The following NRROS variants were observed in gnomAD, a reference collection of about 807,000 sequenced individuals.
The protein encoded by NRROS is negative regulator of reactive oxygen species.
Under a neutral mutation model 12.0 loss-of-function variants are expected in NRROS, and 6 were observed. The ratio of observed to expected loss-of-function variants is 0.50; its 90% CI spans 0.27 to 0.98. NRROS has a LOEUF of 0.98. Among genes scored for constraint, NRROS ranks in the 50% least tolerant of loss-of-function variants. The probability of loss-of-function intolerance (pLI) is 0.11; values close to 1 mark genes in which losing one functional copy is unlikely to be tolerated. For missense variants in NRROS, 857 were observed against 888.2 expected (o/e 0.96, Z 0.45); for synonymous variants, 462 against 410.2 (o/e 1.13, Z -1.53).
intron 2 of NRROS, among the ~76,000 whole-genome samples, chr3:196,658,538 C>T (rs933326140): frequency 7.2e-5 from 11 of 152,332 alleles, no homozygotes; most frequent in South Asian, 6.2e-4. Context: ...ACCTCTCTCT[C>T]GGGATTTTCC....
At chr3:196,645,526 G>A (rs994692506) in intron 1 of NRROS, among the ~76,000 whole-genome samples, 2 of 152,188 alleles carry the variant, frequency 1.3e-5, no homozygotes, top group Non-Finnish European at 2.9e-5. Context: ...GGTATAGCCC[G>A]TGTTCCAAGG....
intron 1 of NRROS, among the ~76,000 whole-genome samples, chr3:196,651,148 TG>T (rs1251026124): frequency 6.6e-6 from 1 of 152,214 alleles, no homozygotes; most frequent in Non-Finnish European, 1.5e-5. Flanking sequence ...TGCAGTGCCA[TG>T]GCTCTGAGGA....
intron 1 of NRROS, among the ~76,000 whole-genome samples, chr3:196,644,249 GGGTGCTGTTCAGAATATCAGGCACCGCAT>G (rs1307196157): frequency 1.3e-5 from 2 of 152,042 alleles, no homozygotes; most frequent in East Asian, 3.9e-4. Context: ...ATACACTCAG[GGGTGCTGTTCAGAATATCAGGCACCGCAT>G]GGCACAGCTA....
intron 2 of NRROS, among the ~76,000 whole-genome samples, chr3:196,655,205 A>G (rs1737512212): frequency 6.7e-6 from 1 of 149,560 alleles, no homozygotes; most frequent in Admixed American, 6.7e-5. Flanking sequence ...CCTGCACTCC[A>G]ACCTAGGTGA....
Position 196,660,787 on chromosome 3 carries a change from GA to G in NRROS, c.1145del (p.Asp382AlafsTer2). On this transcript the variant is annotated frameshift_variant, in exon 3 of 3. Transcript: ENST00000328557. LOFTEE classifies it low-confidence loss of function (END_TRUNC). This position sits in a 1 kb window ranked among gnomAD's most constrained non-coding sequence, Gnocchi z 7.7. ...GCCCCCCGGAGCGCTCACCGAGCTGGACCTGAGCCACAACCAGCTGTCGGAG... is the reference window on the plus strand; with the variant it reads ...GCCCCCCGGAGCGCTCACCGAGCTGGCCTGAGCCACAACCAGCTGTCGGAG... ...HEPPGALTEL[D>X]LSHNQLSELH... is the part of the protein sequence containing the mutation. 1 of 1,613,712 alleles carries G rather than the reference GA, an allele frequency of 6.2e-7. No individual in the cohort carries two copies. The highest frequency in any genetic ancestry group is 8.5e-7 in the Non-Finnish European group (1 of 1,180,026).
intron 1 of NRROS, among the ~76,000 whole-genome samples, chr3:196,645,274 A>G (rs1400877563): frequency 6.6e-6 from 1 of 152,160 alleles, no homozygotes; most frequent in African/African-American, 2.4e-5. Context: ...CCTTTCCCAC[A>G]GAGGACAGAG....
chr3:196,649,344 G>A (rs993517203), intron 1 of NRROS, among the ~76,000 whole-genome samples: 2 of 152,146 alleles, frequency 1.3e-5, no homozygotes, highest in African/African-American at 2.4e-5. Flanking sequence ...TCCCTTTCTT[G>A]TGGAGGCCTC....
At chr3:196,647,438 C>G (rs1369328648) in intron 1 of NRROS, among the ~76,000 whole-genome samples, 1 of 152,212 alleles carries the variant, frequency 6.6e-6, no homozygotes, top group Non-Finnish European at 1.5e-5. Flanking sequence ...CATCACAATT[C>G]TAAATGTTTG....
chr3:196,658,405 A>G (rs948675584), intron 2 of NRROS, among the ~76,000 whole-genome samples: 4 of 152,174 alleles, frequency 2.6e-5, no homozygotes, highest in African/African-American at 7.2e-5. Context: ...TCAATGTTTA[A>G]TTATTGGAAG....
chr3:196,656,833 C>T (rs1028793632), intron 2 of NRROS, among the ~76,000 whole-genome samples: 9 of 152,060 alleles, frequency 5.9e-5, no homozygotes, highest in South Asian at 2.1e-4. Flanking sequence ...GTGGCTCTTC[C>T]GAGTTGAGGA....
chr3:196,652,805 C>T (rs1487195813), intron 1 of NRROS, among the ~76,000 whole-genome samples: 2 of 152,174 alleles, frequency 1.3e-5, no homozygotes, highest in African/African-American at 4.8e-5. Flanking sequence ...GCAGGGCTGG[C>T]TCTTCCAGAG....
rs6771675 is a variant in NRROS at position 196,651,649 on chromosome 3, C to A, written c.-13-2878C>A. On this transcript the variant is annotated intron_variant, in intron 1 of 2. Coordinates refer to ENST00000328557, the MANE Select transcript of NRROS (RefSeq NM_198565.3). ...AGGCGTGGTGGCGTGCACCTGTAAT[C>A]CCAGCTACTTGGGAGGCTGAGGCAG... Among the ~76,000 whole-genome samples, 617 of 152,270 alleles carry A rather than the reference C, an allele frequency of 4.1e-3. 8 individuals carry two copies. Among genetic ancestry groups the A allele is most frequent in the African/African-American group, 0.014 (580 of 41,544 alleles).
At chr3:196,655,999 C>G (rs1312886075) in intron 2 of NRROS, among the ~76,000 whole-genome samples, 1 of 152,102 alleles carries the variant, frequency 6.6e-6, no homozygotes, top group Non-Finnish European at 1.5e-5. Context: ...AGTAAAAACC[C>G]GTCTCTACTA....
Position 196,659,775 on chromosome 3 carries a change from A to C in NRROS, c.132A>C (p.Arg44=). ...CKLVGGAADC[R]GQSLASVPSS... ...AGGTGGGTGGAGCCGCTGACTGCCG[A>C]GGGCAGAGCCTCGCTTCGGTGCCCA... The change falls in exon 3 of 3, where the codon CGA becomes CGC. Residue 44 remains arginine, a synonymous_variant. Transcript: ENST00000328557. 1 of 1,611,566 alleles carries C rather than the reference A, an allele frequency of 6.2e-7. No homozygotes were observed. The highest frequency in any genetic ancestry group is 8.5e-7 in the Non-Finnish European group (1 of 1,178,612).
intron 1 of NRROS, among the ~76,000 whole-genome samples, chr3:196,649,277 T>C (rs1420204631): frequency 6.6e-6 from 1 of 152,110 alleles, no homozygotes; most frequent in Non-Finnish European, 1.5e-5. Context: ...CAGCTGCCCT[T>C]CCCATTCTCC....
chr3:196,654,013 G>A lies in NRROS; in HGVS notation c.-13-514G>A, dbSNP rs748454700. On this transcript the variant is annotated intron_variant, in intron 1 of 2. Transcript: ENST00000328557. The surrounding 1 kb of genome is among the most constrained non-coding windows in gnomAD (Gnocchi z 4.4). Reference sequence around the variant, plus strand: ...AAATGAGTGAACCAAAGAGATCAACGCTTTTGTAACAGCCCCACATCAGCA... The same window carrying A: ...AAATGAGTGAACCAAAGAGATCAACACTTTTGTAACAGCCCCACATCAGCA... Among the ~76,000 whole-genome samples the A allele has an allele frequency of 5.9e-5, 9 of 152,102 alleles. No homozygotes were observed. Among genetic ancestry groups the A allele is most frequent in the South Asian group, 2.1e-4 (1 of 4,818 alleles).
intron 1 of NRROS, among the ~76,000 whole-genome samples, chr3:196,640,314 A>C (rs1469414593): frequency 6.6e-6 from 1 of 152,170 alleles, no homozygotes; most frequent in African/African-American, 2.4e-5. Context: ...CAGCATGCTG[A>C]GCACTGGGCT....
At chr3:196,647,697 T>C (rs1240762761) in intron 1 of NRROS, among the ~76,000 whole-genome samples, 1 of 152,184 alleles carries the variant, frequency 6.6e-6, no homozygotes, top group Non-Finnish European at 1.5e-5. Context: ...TAGCTGGAAT[T>C]ACAGGTGCCT....
At chr3:196,650,512 C>T (rs1737403643) in intron 1 of NRROS, among the ~76,000 whole-genome samples, 1 of 151,944 alleles carries the variant, frequency 6.6e-6, no homozygotes, top group Non-Finnish European at 1.5e-5. Context: ...ACTCCTGAGA[C>T]CCAGTGACCC....
Sources: allele counts gnomAD v4.1 joint callset (sites outside exome capture counted in the v4.1 genomes callset), GRCh38; gene constraint gnomAD v4.1.1; non-coding constraint Gnocchi (gnomAD v3.1); transcripts MANE v1.5; gene names NCBI Gene and HGNC (gene_info 2026-07-23, HGNC 2026-07-21).